The following CD2AP variants were observed in gnomAD, a reference collection of about 807,000 sequenced individuals.
CD2AP encodes the protein CD2 associated protein, also known as CD2-associated protein.
In CD2AP, 46 loss-of-function variants were observed where a neutral mutation model predicts 85.1. The ratio of observed to expected loss-of-function variants is 0.54; its 90% confidence interval spans 0.43 to 0.69. The LOEUF is 0.69. CD2AP is among the 30% of genes least tolerant of loss of function. The pLI, the probability that CD2AP is intolerant of heterozygous loss-of-function variation, is 0.00. For synonymous variants in CD2AP, 255 were observed against 252.9 expected (o/e 1.01, Z -0.08); for missense variants, 769 against 729.5 (o/e 1.05, Z -0.62).
chr6:47,496,458 A>T (rs563935824), intron 1 of CD2AP, among the ~76,000 whole-genome samples: 28 of 152,262 alleles, frequency 1.8e-4, no homozygotes, highest in African/African-American at 6.3e-4. Flanking sequence ...ATTTAACCCT[A>T]TTTACCATAT....
chr6:47,535,936 T>C (rs1012500816), intron 3 of CD2AP, among the ~76,000 whole-genome samples: 2 of 152,162 alleles, frequency 1.3e-5, no homozygotes, highest in Non-Finnish European at 2.9e-5. Context: ...TTCTGAATAT[T>C]TTTTCACTTT....
At chr6:47,505,614 C>CGG (rs1162276194) in intron 2 of CD2AP, among the ~76,000 whole-genome samples, 1 of 52,678 alleles carries the variant, frequency 1.9e-5, no homozygotes, top group African/African-American at 7.7e-5. Context: ...GCTGGCCGGG[C>CGG]GGGGGGGGCT....
intron 5 of CD2AP, among the ~76,000 whole-genome samples, chr6:47,571,786 A>G (rs1006453319): frequency 2.0e-5 from 3 of 152,128 alleles, no homozygotes; most frequent in Non-Finnish European, 2.9e-5. Context: ...CAGAGATTTT[A>G]TTGACTACAT....
intron 1 of CD2AP, among the ~76,000 whole-genome samples, chr6:47,498,016 T>G (rs1325120328): frequency 1.3e-5 from 2 of 152,180 alleles, no homozygotes; most frequent in Non-Finnish European, 2.9e-5. Context: ...CTGTTTTGGT[T>G]CATATTTTAA....
Position 47,608,802 on chromosome 6 carries a change from GTAA to G in CD2AP, c.1633-318_1633-316del, listed in dbSNP as rs574753039. Among the ~76,000 whole-genome samples the G allele has an allele frequency of 1.9e-3, 295 of 152,214 alleles. 1 individual carries two copies. Among genetic ancestry groups the G allele is most frequent in the African/African-American group, 6.8e-3 (283 of 41,544 alleles). On this transcript the variant is annotated intron_variant, in intron 15 of 17. Coordinates refer to ENST00000359314, the MANE Select transcript of CD2AP (RefSeq NM_012120.3). ...TAAGTATTGAATATGAAAGATCAAA[GTAA>G]TACCTTTATAATGCTGTTACATTCT... is the stretch of plus-strand genomic sequence containing the variant.
In CD2AP at chr6:47,533,686, C is replaced by T. The variant is rs368795308; in HGVS notation, c.250C>T (p.Arg84Ter). The T allele has an allele frequency of 8.1e-6, 13 of 1,613,960 alleles. No homozygotes were observed. Among genetic ancestry groups the T allele is most frequent in the South Asian group, 4.4e-5 (4 of 91,090 alleles). Residue 84 changes from arginine (R) to a stop codon, truncating the protein, a stop_gained, in exon 3 of 18, where the codon CGA (arginine) becomes TGA (stop). Transcript: ENST00000359314. LOFTEE classifies it high-confidence loss of function. ...TGGGAATGTAGCAAGTCTTGTACAACGAATAAGCACCTATGGACTTCCAGC... is the reference window on the plus strand; with the variant it reads ...TGGGAATGTAGCAAGTCTTGTACAATGAATAAGCACCTATGGACTTCCAGC... The part of the protein sequence containing the change: ...RHGNVASLVQ[R>*]ISTYGLPAGG...
chr6:47,542,123 C>G lies in CD2AP; in HGVS notation c.320-2483C>G, dbSNP rs370508716. Among the ~76,000 whole-genome samples the G allele has an allele frequency of 4.6e-5, 7 of 152,246 alleles. No individual in the cohort carries two copies. In the East Asian group the frequency reaches 1.2e-3, roughly 25 times the overall value. On this transcript the variant is annotated intron_variant, in intron 3 of 17. Transcript: ENST00000359314. ...ATATCTGCTCCAGTTCAAACCTGTCCTTTCTAATTTTTGAAATATTTGTAG... is the reference window on the plus strand; with the variant it reads ...ATATCTGCTCCAGTTCAAACCTGTCGTTTCTAATTTTTGAAATATTTGTAG...
chr6:47,613,055 ACTC>A (rs1187672788), intron 17 of CD2AP, among the ~76,000 whole-genome samples: 1 of 151,278 alleles, frequency 6.6e-6, no homozygotes, highest in Non-Finnish European at 1.5e-5. Context: ...AAAAGAAGCA[ACTC>A]CTCATCTGTT....
In CD2AP at chr6:47,552,887, A is replaced by G. The variant is rs1302283884; in HGVS notation, c.421-1759A>G. On this transcript the variant is annotated intron_variant, in intron 4 of 17. Coordinates refer to ENST00000359314, the MANE Select transcript of CD2AP (RefSeq NM_012120.3). ...TCTAGCACCCATTTTTATTTTAGCTATACCTTCCATGAATAAATCATTTAT... is the reference window on the plus strand; with the variant it reads ...TCTAGCACCCATTTTTATTTTAGCTGTACCTTCCATGAATAAATCATTTAT... Among the ~76,000 whole-genome samples the G allele has an allele frequency of 3.9e-5, 6 of 152,154 alleles. No individual in the cohort carries two copies. In the East Asian group the frequency reaches 9.7e-4, roughly 25 times the overall value.
At chr6:47,596,310 T>C (rs761081784) in intron 12 of CD2AP, among the ~76,000 whole-genome samples, 3 of 152,112 alleles carry the variant, frequency 2.0e-5, no homozygotes, top group Non-Finnish European at 4.4e-5. Context: ...TTTTAAAGAA[T>C]GCGGTACATC....
At chr6:47,508,471 G>A (rs1766232826) in intron 2 of CD2AP, among the ~76,000 whole-genome samples, 1 of 151,914 alleles carries the variant, frequency 6.6e-6, no homozygotes, top group African/African-American at 2.4e-5. Flanking sequence ...TCTAGATGAG[G>A]CTTTAGCTTA....
intron 1 of CD2AP, among the ~76,000 whole-genome samples, chr6:47,501,539 GAGAA>G (rs995496776): frequency 2.4e-4 from 36 of 152,054 alleles, no homozygotes; most frequent in African/African-American, 8.7e-4. Context: ...AAGGTTCTAT[GAGAA>G]AGGAAGGAGG....
chr6:47,599,457 G>A lies in CD2AP; in HGVS notation c.1417+14G>A, dbSNP rs765627691. The stretch of plus-strand genomic sequence containing the variant: ...CCAAAGAAACAGGTAAGTCAGCATG[G>A]ACAGCGGTGGTGCATTTAAAAAAAA... On this transcript the variant is annotated intron_variant, in intron 13 of 17. Coordinates refer to ENST00000359314, the MANE Select transcript of CD2AP (RefSeq NM_012120.3). The A allele has an allele frequency of 1.2e-6, 2 of 1,609,638 alleles. No individual in the cohort carries two copies. Among genetic ancestry groups the A allele is most frequent in the Non-Finnish European group, 1.7e-6 (2 of 1,177,322 alleles).
At chr6:47,516,200 C>T (rs1195193998) in intron 2 of CD2AP, among the ~76,000 whole-genome samples, 1 of 152,172 alleles carries the variant, frequency 6.6e-6, no homozygotes, top group Non-Finnish European at 1.5e-5. Context: ...TCCTTTCATG[C>T]AAAGTTTGGT....
chr6:47,576,649 C>A, intron 7 of CD2AP, 47 bp downstream of exon 7: 2 of 1,294,096 alleles, frequency 1.5e-6, no homozygotes, highest in Non-Finnish European at 2.2e-6. Flanking sequence ...TAGAAACATA[C>A]TCAAATGTAT....
intron 7 of CD2AP, 53 bp from the exon 8 acceptor site, chr6:47,576,956 T>A: frequency 2.2e-6 from 2 of 917,634 alleles, no homozygotes; most frequent in South Asian, 2.6e-5. Flanking sequence ...AAATAAGTAT[T>A]TGTTGAATGA....
chr6:47,620,040 C>A (rs559972072), intron 17 of CD2AP, among the ~76,000 whole-genome samples: 1 of 152,292 alleles, frequency 6.6e-6, no homozygotes, highest in East Asian at 1.9e-4. Context: ...TTGACTGTTC[C>A]ATTTGCCATG....
At chr6:47,594,396 C>T (rs575465322) in intron 11 of CD2AP, among the ~76,000 whole-genome samples, 32 of 151,982 alleles carry the variant, frequency 2.1e-4, no homozygotes, top group African/African-American at 6.7e-4. Context: ...AATGATGAGT[C>T]GTATTTTTGT....
chr6:47,598,509 A>AT (rs902816466), intron 12 of CD2AP, among the ~76,000 whole-genome samples: 8 of 151,126 alleles, frequency 5.3e-5, no homozygotes, highest in African/African-American at 1.9e-4. Flanking sequence ...CCAGATGCCC[A>AT]TGAATCAACG....
Sources: gnomAD v4.1 joint callset for allele counts (sites outside exome capture counted in the v4.1 genomes callset) on GRCh38, gnomAD v4.1.1 for gene constraint, MANE v1.5 for transcripts, NCBI Gene and HGNC (gene_info 2026-07-23, HGNC 2026-07-21) for gene names.